Variants in PDE1C observed in about 807,000 individuals in gnomAD.
PDE1C encodes phosphodiesterase 1C, also known as dual specificity calcium/calmodulin-dependent 3',5'-cyclic nucleotide phosphodiesterase 1C.
PDE1C carries 62 observed loss-of-function variants against 93.1 expected under a neutral mutation model. That is an observed-to-expected ratio of 0.67 (90% CI 0.54 to 0.82). The LOEUF (loss-of-function observed/expected upper bound fraction) is 0.82. Among genes scored for constraint, PDE1C ranks in the 40% least tolerant of loss-of-function variants. PDE1C has a pLI of 0.00. For missense variants in PDE1C, 742 were observed against 884.6 expected, an observed-to-expected ratio of 0.84 and a Z score of 2.04; for synonymous variants, 325 against 310.1, an observed-to-expected ratio of 1.05 and a Z score of -0.50.
chr7:31,627,659 C>CAAAAAAAAAAAAAAAAAAAAAAAAAA, the PDE1C span, among the ~76,000 whole-genome samples: 1 of 75,518 alleles, frequency 1.3e-5, no homozygotes, highest in Non-Finnish European at 2.4e-5. Flanking sequence ...GACACTGTCT[C>CAAAAAAAAAAAAAAAAAAAAAAAAAA]AAAAAAAAAA....
At chr7:32,224,288 G>A (rs998734399) in intron 1 of PDE1C, among the ~76,000 whole-genome samples, 2 of 152,086 alleles carry the variant, frequency 1.3e-5, no homozygotes, top group East Asian at 1.9e-4. Context: ...CAGGAGGATC[G>A]CTTGAACTCA....
intron 2 of PDE1C, among the ~76,000 whole-genome samples, chr7:31,899,117 G>C (rs2128916042): frequency 6.7e-6 from 1 of 148,888 alleles, no homozygotes; most frequent in South Asian, 2.1e-4. Flanking sequence ...CTTACCAAGA[G>C]CATGGGCAGT....
chr7:32,025,518 T>A (rs1789297436), intron 2 of PDE1C, among the ~76,000 whole-genome samples: 1 of 151,170 alleles, frequency 6.6e-6, no homozygotes, highest in Admixed American at 6.6e-5. Context: ...CAAGGCTGGT[T>A]GACGTTTCCA....
intron 2 of PDE1C, among the ~76,000 whole-genome samples, chr7:31,935,133 T>C (rs1804863304): frequency 6.6e-6 from 1 of 152,166 alleles, no homozygotes; most frequent in Non-Finnish European, 1.5e-5. Context: ...TGGATAGTGC[T>C]AGCGTTGATA....
At chr7:32,010,071 C>T (rs1421355010) in intron 2 of PDE1C, among the ~76,000 whole-genome samples, 1 of 152,126 alleles carries the variant, frequency 6.6e-6, no homozygotes, top group Non-Finnish European at 1.5e-5. Flanking sequence ...GGTCAGAAGA[C>T]GTGATATTGT....
At chr7:31,945,197 T>C (rs907056218) in intron 2 of PDE1C, among the ~76,000 whole-genome samples, 6 of 152,208 alleles carry the variant, frequency 3.9e-5, no homozygotes, top group African/African-American at 1.4e-4. Context: ...ATTGCTGTCA[T>C]TCATTTCACT....
At chr7:32,264,055 G>A (rs945464643) in intron 1 of PDE1C, among the ~76,000 whole-genome samples, 2 of 145,722 alleles carry the variant, frequency 1.4e-5, no homozygotes, top group Non-Finnish European at 2.9e-5. Flanking sequence ...CACCCCCTTA[G>A]ATAGAATATC....
the PDE1C span, among the ~76,000 whole-genome samples, chr7:31,640,264 G>A: frequency 6.6e-6 from 1 of 152,148 alleles, no homozygotes; most frequent in Admixed American, 6.5e-5. Context: ...TCCAGGCTCT[G>A]GATGAGTACT....
upstream of PDE1C, among the ~76,000 whole-genome samples, chr7:32,074,762 G>A (rs369451902): frequency 9.8e-5 from 15 of 152,308 alleles, no homozygotes; most frequent in South Asian, 2.9e-3. Context: ...GGTGGGTGGA[G>A]GCAGGTGATT....
chr7:32,009,767 G>A (rs1248205078), intron 2 of PDE1C, among the ~76,000 whole-genome samples: 2 of 152,240 alleles, frequency 1.3e-5, no homozygotes, highest in East Asian at 3.9e-4. Flanking sequence ...CAAACAACAT[G>A]ACATTTTATG....
At chr7:32,305,100 G>A (rs899164912) in intron 1 of PDE1C, among the ~76,000 whole-genome samples, 1 of 152,162 alleles carries the variant, frequency 6.6e-6, no homozygotes, top group Non-Finnish European at 1.5e-5. Flanking sequence ...TGGGCTTTCT[G>A]AGAGCTAGAG....
At chr7:31,898,500 A>C (rs1799588891) in intron 2 of PDE1C, among the ~76,000 whole-genome samples, 1 of 152,334 alleles carries the variant, frequency 6.6e-6, no homozygotes, top group Admixed American at 6.5e-5. Flanking sequence ...CTAAATATAC[A>C]TATCATAATT....
intron 2 of PDE1C, among the ~76,000 whole-genome samples, chr7:31,905,320 C>T (rs776822666): frequency 1.8e-4 from 27 of 151,930 alleles, no homozygotes; most frequent in Admixed American, 6.6e-5. Flanking sequence ...TGTCAGTAGA[C>T]CTGGACTTTG....
intron 17 of PDE1C, among the ~76,000 whole-genome samples, chr7:31,757,641 GAAAC>G (rs1341757354): frequency 6.6e-6 from 1 of 152,156 alleles, no homozygotes; most frequent in Non-Finnish European, 1.5e-5. Flanking sequence ...AAAAAGTCAG[GAAAC>G]AACAGGTGCT....
At chr7:31,698,887 A>G in the PDE1C span, among the ~76,000 whole-genome samples, 1 of 152,202 alleles carries the variant, frequency 6.6e-6, no homozygotes, top group Non-Finnish European at 1.5e-5. Context: ...AACTGAGCAG[A>G]GTAGTTGAGG....
intron 3 of PDE1C, among the ~76,000 whole-genome samples, chr7:32,136,916 G>T (rs1425501574): frequency 6.6e-6 from 1 of 152,166 alleles, no homozygotes; most frequent in Admixed American, 6.5e-5. Context: ...GATGTTGTTT[G>T]TTTATCAGTC....
intron 16 of PDE1C, among the ~76,000 whole-genome samples, chr7:31,797,590 A>G (rs573632701): frequency 3.0e-4 from 45 of 151,882 alleles, no homozygotes; most frequent in Middle Eastern, 6.8e-3. Context: ...TGGCAACACT[A>G]TCTTGGGTGT....
Position 31,878,172 on chromosome 7 carries a change from A to G in PDE1C, c.426-136T>C. ...CAAAGAACCTAAAATTCATTTTTTG[A>G]CATTTTTAATATTCACTCAGGTGGT... On this transcript the variant is annotated intron_variant, in intron 4 of 17. Transcript: ENST00000396191. 8.6e-6 allele frequency: 5 copies of G among 584,148 alleles called. No individual in the cohort carries two copies. The East Asian group carries it at 1.5e-4, about 18-fold the overall frequency. 36.2% of individuals were successfully genotyped at this position (584,148 alleles called of 1,614,324 possible). A position where few individuals can be genotyped will look rare whatever the true frequency, so the allele number is the denominator to read the frequency against.
chr7:31,641,225 G>A, the PDE1C span, among the ~76,000 whole-genome samples: 2 of 152,198 alleles, frequency 1.3e-5, no homozygotes, highest in East Asian at 3.9e-4. Flanking sequence ...TTCGTCAGCA[G>A]TTGTTCAAGC....
Sources: allele counts gnomAD v4.1 joint callset (sites outside exome capture counted in the v4.1 genomes callset), GRCh38; gene constraint gnomAD v4.1.1; transcripts MANE v1.5; gene names NCBI Gene and HGNC (gene_info 2026-07-23, HGNC 2026-07-21).